The following RTN4RL1 variants were observed in gnomAD, a reference collection of about 807,000 sequenced individuals.
The protein encoded by RTN4RL1 is reticulon-4 receptor-like 1.
Under a neutral mutation model 25.6 loss-of-function variants are expected in RTN4RL1, and 7 were observed. The ratio of observed to expected loss-of-function variants is 0.27; its 90% CI spans 0.16 to 0.51. The LOEUF is 0.51. RTN4RL1 is among the 20% of genes least tolerant of loss of function. The pLI is 0.97. For missense variants in RTN4RL1, 500 were observed against 615.6 expected (o/e 0.81, Z 1.99); for synonymous variants, 297 against 288.2 (o/e 1.03, Z -0.31).
Position 2,012,900 on chromosome 17 carries a change from TCTC to T in RTN4RL1, c.13+11950_13+11952del, listed in dbSNP as rs556952339. 1.3e-4 allele frequency among the ~76,000 whole-genome samples: 20 copies of T among 152,196 alleles called. No individual in the cohort carries two copies. The East Asian group carries it at 3.9e-3, about 29-fold the overall frequency. On this transcript the variant is annotated intron_variant, in intron 1 of 1. Transcript: ENST00000331238. ...CTTCCACCTCCTGTGTTCAAGCAAT[TCTC>T]CTGCCTCAGCCTCCCAAGTAGCTGG...
At chr17:2,005,762 T>TCTCTCTCC (rs1555520913) in intron 1 of RTN4RL1, among the ~76,000 whole-genome samples, 5 of 150,474 alleles carry the variant, frequency 3.3e-5, no homozygotes, top group Non-Finnish European at 5.9e-5. Context: ...TCTCTCTCTC[T>TCTCTCTCC]CTCCTTCTCT....
intron 1 of RTN4RL1, among the ~76,000 whole-genome samples, chr17:1,967,622 C>T (rs563268531): frequency 6.6e-6 from 1 of 152,124 alleles, no homozygotes; most frequent in East Asian, 1.9e-4. Context: ...GTTGCCCAAG[C>T]CCAACACTTT....
At chr17:1,951,699 T>C (rs1915684378) in intron 1 of RTN4RL1, among the ~76,000 whole-genome samples, 1 of 152,000 alleles carries the variant, frequency 6.6e-6, no homozygotes, top group African/African-American at 2.4e-5. Flanking sequence ...GTGATCCAGC[T>C]GCCTCGGCCT....
chr17:2,021,703 A>C lies in RTN4RL1; in HGVS notation c.13+3150T>G, dbSNP rs575985222. Among the ~76,000 whole-genome samples, 18 of 151,648 alleles carry C rather than the reference A, an allele frequency of 1.2e-4. No homozygotes were observed. The South Asian group carries it at 1.3e-3, about 11-fold the overall frequency. On this transcript the variant is annotated intron_variant, in intron 1 of 1. Coordinates refer to ENST00000331238, the MANE Select transcript of RTN4RL1 (RefSeq NM_178568.4). ...CCAAGGAGCTGGGATTACAGGCATG[A>C]ACCAGCACGCCCGGCTAATTTTTGT...
chr17:1,982,448 TATAA>T lies in RTN4RL1; in HGVS notation c.13+42401_13+42404del, dbSNP rs945727873. 5.3e-5 allele frequency among the ~76,000 whole-genome samples: 8 copies of T among 151,948 alleles called. No individual in the cohort carries two copies. The South Asian group carries it at 1.0e-3, about 20-fold the overall frequency. Reference sequence around the variant, plus strand: ...TAACACGGTGAAACCTCATCTCTACTATAAATACAAAAAAAAATTAGCCAGGCAT... The same window carrying T: ...TAACACGGTGAAACCTCATCTCTACTATACAAAAAAAAATTAGCCAGGCAT... On this transcript the variant is annotated intron_variant, in intron 1 of 1. Transcript: ENST00000331238.
At chr17:1,986,435 C>T (rs1478928918) in intron 1 of RTN4RL1, among the ~76,000 whole-genome samples, 3 of 151,996 alleles carry the variant, frequency 2.0e-5, no homozygotes, top group Admixed American at 6.6e-5. Context: ...TGGAAAAAGG[C>T]GTCTTTGTCG....
At chr17:1,967,152 C>T (rs1054470498) in intron 1 of RTN4RL1, among the ~76,000 whole-genome samples, 2 of 149,150 alleles carry the variant, frequency 1.3e-5, no homozygotes, top group Admixed American at 6.6e-5. Flanking sequence ...CCGCTCCTCC[C>T]CAGAAGGAAG....
intron 1 of RTN4RL1, among the ~76,000 whole-genome samples, chr17:1,956,602 A>G (rs760786164): frequency 6.6e-6 from 1 of 152,172 alleles, no homozygotes; most frequent in Non-Finnish European, 1.5e-5. Context: ...TTTATCCGTG[A>G]AAGAGTTAGA....
chr17:2,025,175 C>A lies in RTN4RL1; in HGVS notation c.-310G>T, dbSNP rs1014293034. The A allele has an allele frequency of 7.6e-6, 2 of 262,646 alleles. No homozygotes were observed. The highest frequency in any genetic ancestry group is 7.2e-6 in the Non-Finnish European group (1 of 138,864). The allele number at this position is 262,646 out of a possible 1,614,324, so 16.3% of individuals were successfully genotyped here. A position where few individuals can be genotyped will look rare whatever the true frequency, so the allele number is the denominator to read the frequency against. ...TCTGCCACCCGGAGCACTTCGCAGG[C>A]GGTTTTGAGGGGGGACGCCGCCCCC... On this transcript the variant is annotated 5_prime_UTR_variant, in exon 1 of 2. Coordinates refer to ENST00000331238, the MANE Select transcript of RTN4RL1 (RefSeq NM_178568.4). The surrounding 1 kb of genome is among the most constrained non-coding windows in gnomAD (Gnocchi z 4.8).
At chr17:1,947,222 G>A (rs573917450) in intron 1 of RTN4RL1, among the ~76,000 whole-genome samples, 1 of 152,318 alleles carries the variant, frequency 6.6e-6, no homozygotes, top group South Asian at 2.1e-4. Context: ...GCGCACGCAC[G>A]CTTGTGTGCT....
chr17:1,996,501 T>A (rs1167240659), intron 1 of RTN4RL1, among the ~76,000 whole-genome samples: 3 of 150,362 alleles, frequency 2.0e-5, no homozygotes, highest in Non-Finnish European at 4.4e-5. Flanking sequence ...TCAGCTGAGA[T>A]CCTTGTGACC....
At position 2,024,873 on chromosome 17, in the gene RTN4RL1, AC is replaced by A; in HGVS notation, c.-9del. ...CTCACCTTTGCGAAGCATGTTGGCC[AC>A]GGGGCCGCCGCTCCGAGGTCGGCCT... On this transcript the variant is annotated 5_prime_UTR_variant, in exon 1 of 2. Coordinates refer to ENST00000331238, the MANE Select transcript of RTN4RL1 (RefSeq NM_178568.4). The A allele has an allele frequency of 6.3e-7, 1 of 1,584,192 alleles. No individual in the cohort carries two copies. The highest frequency in any genetic ancestry group is 1.4e-5 in the African/African-American group (1 of 73,844).
At chr17:1,971,390 G>A (rs4790853) in intron 1 of RTN4RL1, among the ~76,000 whole-genome samples, 86,493 of 152,074 alleles carry the variant, frequency 0.57, 24,934 homozygotes, top group Admixed American at 0.7. Flanking sequence ...ACCCAGTCTC[G>A]GGTGTTTCTT....
chr17:1,991,446 T>TA (rs764604442), intron 1 of RTN4RL1, among the ~76,000 whole-genome samples: 1,690 of 31,092 alleles, frequency 0.054, 38 homozygotes, highest in Admixed American at 0.078. Flanking sequence ...ATGCACATAG[T>TA]AAAAAAAAAA....
chr17:1,970,903 G>T (rs1018263928), intron 1 of RTN4RL1, among the ~76,000 whole-genome samples: 5 of 151,284 alleles, frequency 3.3e-5, no homozygotes, highest in Non-Finnish European at 5.9e-5. Context: ...GAAAGCTGTA[G>T]GAGACCCTCT....
At chr17:1,951,206 A>G (rs1485397613) in intron 1 of RTN4RL1, among the ~76,000 whole-genome samples, 2 of 151,964 alleles carry the variant, frequency 1.3e-5, no homozygotes, top group East Asian at 3.9e-4. Context: ...AGGAGCTTGC[A>G]GTGAGCCAAG....
At chr17:2,014,947 G>A (rs1205040839) in intron 1 of RTN4RL1, among the ~76,000 whole-genome samples, 1 of 152,178 alleles carries the variant, frequency 6.6e-6, no homozygotes, top group African/African-American at 2.4e-5. Context: ...GTGGGGCCAG[G>A]GGGAAGGACA....
In RTN4RL1 at chr17:1,998,747, C is replaced by G. The variant is rs1212331634; in HGVS notation, c.13+26106G>C. 6.7e-6 allele frequency among the ~76,000 whole-genome samples: 1 copy of G among 149,788 alleles called. No homozygotes were observed. Among genetic ancestry groups the G allele is most frequent in the South Asian group, 2.1e-4 (1 of 4,732 alleles). ...ACGGGCCTCGCAGCACAGACGGGGA[C>G]AGGGGCGGCCTCGCGCGCACGGGGA... is the stretch of plus-strand genomic sequence containing the variant. On this transcript the variant is annotated intron_variant, in intron 1 of 1. Coordinates refer to ENST00000331238, the MANE Select transcript of RTN4RL1 (RefSeq NM_178568.4). The surrounding 1 kb of genome is among the most constrained non-coding windows in gnomAD (Gnocchi z 4.9).
intron 1 of RTN4RL1, among the ~76,000 whole-genome samples, chr17:1,941,619 G>A (rs984959850): frequency 2.0e-5 from 3 of 152,118 alleles, no homozygotes; most frequent in African/African-American, 7.2e-5. Flanking sequence ...GGGGGGATCC[G>A]AGCCCGGGGG....
Sources: gnomAD v4.1 joint callset for allele counts (sites outside exome capture counted in the v4.1 genomes callset) on GRCh38, gnomAD v4.1.1 for gene constraint, Gnocchi (gnomAD v3.1) non-coding constraint, MANE v1.5 for transcripts, NCBI Gene and HGNC (gene_info 2026-07-23, HGNC 2026-07-21) for gene names.